The following OPRM1 variants were observed in gnomAD, a reference collection of about 807,000 sequenced individuals.
The protein encoded by OPRM1 is opioid receptor mu 1, also known as mu-type opioid receptor.
Under a neutral mutation model 31.8 loss-of-function variants are expected in OPRM1, and 27 were observed. The observed-to-expected ratio is 0.85, with a 90% CI of 0.63 to 1.17. OPRM1 has a LOEUF of 1.17. Among genes scored for constraint, OPRM1 ranks in the 50% most tolerant of loss-of-function variants. The pLI is 0.00. For synonymous variants in OPRM1, 196 were observed against 189.9 expected (o/e 1.03, Z -0.26); for missense variants, 536 against 511.1 (o/e 1.05, Z -0.47).
At chr6:154,057,871 T>C (rs993096201) in intron 1 of OPRM1, among the ~76,000 whole-genome samples, 1 of 152,202 alleles carries the variant, frequency 6.6e-6, no homozygotes, top group Non-Finnish European at 1.5e-5. Context: ...AAGCCGGAAG[T>C]CCAACCTGAA....
chr6:154,161,512 C>A (rs927921121), intron 3 of OPRM1, among the ~76,000 whole-genome samples: 2 of 152,144 alleles, frequency 1.3e-5, no homozygotes, highest in Admixed American at 1.3e-4. Flanking sequence ...TGCACCTGGC[C>A]TACCCAATTT....
rs1045786496 is a variant in OPRM1 at position 154,130,003 on chromosome 6, A to G, written c.*11282A>G. 2.0e-5 allele frequency among the ~76,000 whole-genome samples: 3 copies of G among 152,200 alleles called. No homozygotes were observed. The highest frequency in any genetic ancestry group is 7.2e-5 in the African/African-American group (3 of 41,438). ...CTCCTTATTTGAAACTCCAGCATCA[A>G]TAATTTACTTGCACTCTTGTTATTT... is the stretch of plus-strand genomic sequence containing the variant. On this transcript the variant is annotated 3_prime_UTR_variant, in exon 4 of 4. Coordinates refer to ENST00000330432, the MANE Select transcript of OPRM1 (RefSeq NM_000914.5).
intron 3 of OPRM1, among the ~76,000 whole-genome samples, chr6:154,172,660 T>C (rs1799970816): frequency 6.6e-6 from 1 of 152,198 alleles, no homozygotes; most frequent in South Asian, 2.1e-4. Context: ...GCAGGGAAGC[T>C]CGAACTGGGC....
At chr6:154,079,642 T>G (rs182088037) in intron 1 of OPRM1, among the ~76,000 whole-genome samples, 28 of 152,314 alleles carry the variant, frequency 1.8e-4, no homozygotes, top group African/African-American at 6.5e-4. Flanking sequence ...ATATAAAGTA[T>G]TAAAAGTTGA....
intron 3 of OPRM1, among the ~76,000 whole-genome samples, chr6:154,223,733 G>A (rs1451402687): frequency 1.3e-5 from 2 of 152,168 alleles, no homozygotes; most frequent in Non-Finnish European, 2.9e-5. Context: ...TGGTTGTTGT[G>A]ACTTAAATGA....
At chr6:154,239,701 A>G (rs865957694) in intron 3 of OPRM1, among the ~76,000 whole-genome samples, 6 of 136,318 alleles carry the variant, frequency 4.4e-5, no homozygotes, top group Admixed American at 2.1e-4. Context: ...AATTGTCTTC[A>G]CTGAAGAAAC....
At chr6:154,065,974 T>C (rs1273102456) in intron 1 of OPRM1, among the ~76,000 whole-genome samples, 2 of 152,208 alleles carry the variant, frequency 1.3e-5, no homozygotes, top group Non-Finnish European at 2.9e-5. Context: ...TATTTTATCA[T>C]GAAAGTGTGT....
intron 1 of OPRM1, chr6:154,086,689 T>C (rs1001921727): frequency 5.1e-6 from 5 of 985,222 alleles, no homozygotes; most frequent in Non-Finnish European, 6.0e-6. Context: ...GGAAGTATGA[T>C]GAGTCAGAAA....
rs56231733 is a variant in OPRM1 at position 154,192,318 on chromosome 6, C to CTGTGTGTGTGTGTGTG, written c.1165-54355_1165-54340dup. On this transcript the variant is annotated intron_variant, in intron 3 of 3. Coordinates refer to the OPRM1 transcript ENST00000337049. ...GACCCAAATGGTGGCCACGTGGTTACTGTGTGTGTGTGTGTGTGTGTGTGT... is the reference window on the plus strand; with the variant it reads ...GACCCAAATGGTGGCCACGTGGTTACTGTGTGTGTGTGTGTGTGTGTGTGTGTGTGTGTGTGTGTGT... Among the ~76,000 whole-genome samples, 419 of 148,104 alleles carry CTGTGTGTGTGTGTGTG rather than the reference C, an allele frequency of 2.8e-3. 4 individuals are homozygous for CTGTGTGTGTGTGTGTG. Among genetic ancestry groups the CTGTGTGTGTGTGTGTG allele is most frequent in the African/African-American group, 2.1e-3 (84 of 40,090 alleles).
exon 1 of OPRM1, chr6:154,010,638 G>C: frequency 6.7e-7 from 1 of 1,496,846 alleles, no homozygotes; most frequent in Non-Finnish European, 9.0e-7. Flanking sequence ...CACTAAGTTT[G>C]CATCCTGAAA....
At chr6:154,094,706 T>A (rs927793981) in intron 3 of OPRM1, among the ~76,000 whole-genome samples, 21 of 152,290 alleles carry the variant, frequency 1.4e-4, no homozygotes, top group African/African-American at 5.1e-4. Context: ...GGAAAGCGTC[T>A]TTTGGCATAG....
At chr6:154,239,681 G>A (rs959406166) in intron 3 of OPRM1, among the ~76,000 whole-genome samples, 1 of 151,392 alleles carries the variant, frequency 6.6e-6, no homozygotes, top group African/African-American at 2.4e-5. Flanking sequence ...AATTTCACAT[G>A]GTTAGTTTGA....
chr6:154,118,236 T>A (rs537329954), intron 3 of OPRM1, among the ~76,000 whole-genome samples: 2 of 152,146 alleles, frequency 1.3e-5, no homozygotes, highest in South Asian at 4.2e-4. Context: ...ATTTTGAGAA[T>A]TGGGTAAAAA....
chr6:154,245,071 T>A (rs1383655541), intron 3 of OPRM1, among the ~76,000 whole-genome samples: 2 of 152,116 alleles, frequency 1.3e-5, no homozygotes, highest in Non-Finnish European at 2.9e-5. Context: ...CTGTATTTGT[T>A]TAGGAAAACT....
rs1263828698 is a variant in OPRM1, at chr6:154,091,385, C to T, written c.1077C>T (p.Asn359=). The part of the protein sequence containing the change: ...FREFCIPTSS[N]IEQQNSTRIR... The stretch of plus-strand genomic sequence containing the variant: ...AGTTCTGTATCCCAACCTCTTCCAA[C>T]ATTGAGCAACAAAACTCCACTCGAA... The change falls in exon 3 of 4, where the codon AAC becomes AAT. Residue 359 remains asparagine, a synonymous_variant. Transcript: ENST00000330432. 9 of 1,614,066 alleles carry T rather than the reference C, an allele frequency of 5.6e-6. No individual in the cohort carries two copies. Among genetic ancestry groups the T allele is most frequent in the African/African-American group, 5.3e-5 (4 of 74,934 alleles).
intron 3 of OPRM1, among the ~76,000 whole-genome samples, chr6:154,208,606 C>T (rs1411493923): frequency 6.6e-6 from 1 of 152,214 alleles, no homozygotes; most frequent in South Asian, 2.1e-4. Context: ...AGAATGCTGG[C>T]TCTCAATAAA....
intron 3 of OPRM1, chr6:154,212,791 G>A (rs761835449): frequency 1.9e-5 from 30 of 1,612,476 alleles, no homozygotes; most frequent in East Asian, 6.7e-5. Flanking sequence ...TCTGGGAAGC[G>A]TGAGGAGGGG....
intron 1 of OPRM1, among the ~76,000 whole-genome samples, chr6:154,068,712 A>G (rs1359668193): frequency 6.6e-6 from 1 of 152,128 alleles, no homozygotes; most frequent in Non-Finnish European, 1.5e-5. Context: ...TTCCCTTTGG[A>G]TATATATACC....
intron 3 of OPRM1, among the ~76,000 whole-genome samples, chr6:154,154,093 G>T (rs868464333): frequency 6.6e-6 from 1 of 152,232 alleles, no homozygotes; most frequent in African/African-American, 2.4e-5. Context: ...CTTGGCTTGT[G>T]AGGTGAGACT....
Sources: gnomAD v4.1 joint callset for allele counts (sites outside exome capture counted in the v4.1 genomes callset) on GRCh38, gnomAD v4.1.1 for gene constraint, MANE v1.5 for transcripts, NCBI Gene and HGNC (gene_info 2026-07-23, HGNC 2026-07-21) for gene names.